The following UMODL1 variants were observed in gnomAD, a reference collection of about 807,000 sequenced individuals.
UMODL1 encodes the protein uromodulin like 1, also known as uromodulin-like 1.
A neutral mutation model predicts 136.3 loss-of-function variants in UMODL1; 128 were observed. The ratio of observed to expected loss-of-function variants is 0.94; its 90% confidence interval spans 0.81 to 1.09. The LOEUF (loss-of-function observed/expected upper bound fraction) is 1.09, where lower values mean the gene tolerates loss of function less well. Ranked by LOEUF, UMODL1 falls within the 50% of genes least tolerant of loss-of-function variation. The pLI is 0.00. For synonymous variants in UMODL1, 721 were observed against 720.0 expected (o/e 1.00, Z -0.02); for missense variants, 1,766 against 1,725.6 (o/e 1.02, Z -0.41).
chr21:42,082,918 A>G (rs1255655497), intron 2 of UMODL1, among the ~76,000 whole-genome samples: 1 of 22,452 alleles, frequency 4.5e-5, no homozygotes, highest in East Asian at 5.1e-4. Flanking sequence ...TGAGACCTCT[A>G]TAAGCCCCTT....
intron 1 of UMODL1, among the ~76,000 whole-genome samples, chr21:42,075,249 G>GGT (rs531652042): frequency 1.3e-5 from 2 of 151,808 alleles, no homozygotes; most frequent in African/African-American, 4.8e-5. Context: ...GATGGGGGGG[G>GGT]GGTTTCACCA....
At chr21:42,098,466 T>C (rs1243688157) in intron 6 of UMODL1, among the ~76,000 whole-genome samples, 1 of 126,366 alleles carries the variant, frequency 7.9e-6, no homozygotes, top group East Asian at 2.3e-4. Flanking sequence ...CATTTATTAT[T>C]GGAAAAAAAA....
intron 12 of UMODL1, 25 bp downstream of exon 12, chr21:42,111,735 G>T: frequency 6.3e-7 from 1 of 1,585,906 alleles, no homozygotes; most frequent in East Asian, 2.2e-5. Flanking sequence ...TGGTGCATGG[G>T]GACTAGGACT....
At position 42,092,029 on chromosome 21, in the gene UMODL1, C is replaced by A. The variant is rs115627489; in HGVS notation, c.931+1591C>A. Among the ~76,000 whole-genome samples the A allele has an allele frequency of 7.6e-3, 1,161 of 152,316 alleles. 10 individuals are homozygous for A. The highest frequency in any genetic ancestry group is 0.027 in the African/African-American group (1,102 of 41,558). On this transcript the variant is annotated intron_variant, in intron 6 of 22. Transcript: ENST00000408910. ...AGGTCAGCAGGGAAGGCTCAGCAAG[C>A]CCCAAGCGAGCAAGCGGTAAGCTGG...
upstream of UMODL1, among the ~76,000 whole-genome samples, chr21:42,067,207 C>T (rs892082122): frequency 2.0e-5 from 3 of 152,096 alleles, no homozygotes; most frequent in African/African-American, 2.4e-5. Context: ...CTCCTGACTT[C>T]GTGATCCACC....
In UMODL1 at chr21:42,095,089, GTT is replaced by G. The variant is rs58764222; in HGVS notation, c.932-3815_932-3814del. Among the ~76,000 whole-genome samples, 97 of 61,198 alleles carry G rather than the reference GTT, an allele frequency of 1.6e-3. 2 individuals are homozygous for G. Among genetic ancestry groups the G allele is most frequent in the East Asian group, 3.9e-3 (7 of 1,816 alleles). 40.1% of individuals were successfully genotyped at this position (61,198 alleles called of 152,430 possible). On this transcript the variant is annotated intron_variant, in intron 6 of 22. Transcript: ENST00000408910. Reference sequence around the variant, plus strand: ...CATCACTCCTTTGTTTTCTTCTGCTGTTTTTTTTTTTTTTTTTTTTTTTGAGA... The same window carrying G: ...CATCACTCCTTTGTTTTCTTCTGCTGTTTTTTTTTTTTTTTTTTTTTGAGA...
In UMODL1 at chr21:42,065,300, G is replaced by A. The variant is rs994762821; in HGVS notation, c.-141+2086G>A. 3.9e-5 allele frequency among the ~76,000 whole-genome samples: 6 copies of A among 152,156 alleles called. No individual in the cohort carries two copies. The East Asian group carries it at 9.6e-4, about 24-fold the overall frequency. ...ATAAACTCATTCATGCAGTTATTGCGTTTCAGTTCAGATTCTATTGCTCTT... is the reference window on the plus strand; with the variant it reads ...ATAAACTCATTCATGCAGTTATTGCATTTCAGTTCAGATTCTATTGCTCTT... On this transcript the variant is annotated intron_variant, in intron 1 of 22. Coordinates refer to the UMODL1 transcript ENST00000400424.
At chr21:42,098,661 G>A (rs573413034) in intron 6 of UMODL1, among the ~76,000 whole-genome samples, 1 of 152,216 alleles carries the variant, frequency 6.6e-6, no homozygotes, top group South Asian at 2.1e-4. Flanking sequence ...CCAGCTACTC[G>A]GGAGGCTGAG....
chr21:42,071,779 C>T (rs2066234578), intron 1 of UMODL1, among the ~76,000 whole-genome samples: 1 of 150,492 alleles, frequency 6.6e-6, no homozygotes, highest in African/African-American at 2.4e-5. Context: ...CCTACAGACG[C>T]AGAAGAAAGG....
At position 42,113,623 on chromosome 21, in the gene UMODL1, T is replaced by G. The variant is rs1368825350; in HGVS notation, c.2155T>G (p.Phe719Val). The G allele has an allele frequency of 6.2e-7, 1 of 1,614,004 alleles. No individual in the cohort carries two copies. Among genetic ancestry groups the G allele is most frequent in the Non-Finnish European group, 8.5e-7 (1 of 1,180,044 alleles). The stretch of plus-strand genomic sequence containing the variant: ...GGTCTCCAATGTGACCAGCACCGGC[T>G]TCCACCTGGCATGGGAGGCGGATCT... ...IMVSNVTSTG[F>V]HLAWEADLAM... The change falls in exon 13 of 23, where the codon TTC becomes GTC. Residue 719 changes from phenylalanine (F) to valine (V), a missense_variant. Coordinates refer to ENST00000408910, the MANE Select transcript of UMODL1 (RefSeq NM_001004416.3).
chr21:42,127,799 T>C lies in UMODL1; in HGVS notation c.3658T>C (p.Cys1220Arg). The change falls in exon 20 of 23, where the codon TGC (cysteine) becomes CGC (arginine). Residue 1220 changes from cysteine to arginine, a missense_variant. Transcript: ENST00000408910. Reference sequence around the variant, plus strand: ...CTACCTGCACTGCAAACTCCGCGTCTGCATGGAATCCCCCGGAGCCACGTG... The same window carrying C: ...CTACCTGCACTGCAAACTCCGCGTCCGCATGGAATCCCCCGGAGCCACGTG... ...IVYLHCKLRVCMESPGATCKI... is the reference protein window; with the variant it reads ...IVYLHCKLRVRMESPGATCKI... 1.9e-6 allele frequency: 3 copies of C among 1,613,714 alleles called. No homozygotes were observed. The highest frequency in any genetic ancestry group is 2.5e-6 in the Non-Finnish European group (3 of 1,179,918).
intron 9 of UMODL1, 126 bp from the exon 10 acceptor site, chr21:42,109,436 A>AT: frequency 7.6e-7 from 1 of 1,307,872 alleles, no homozygotes; most frequent in Non-Finnish European, 1.0e-6. Context: ...GGATGCCCCA[A>AT]AATGCCCCTG....
At chr21:42,128,385 C>T (rs574968868) in intron 20 of UMODL1, among the ~76,000 whole-genome samples, 2 of 152,208 alleles carry the variant, frequency 1.3e-5, no homozygotes, top group Admixed American at 6.5e-5. Context: ...GAGGTTCCCA[C>T]ATGTTGGTCG....
chr21:42,140,740 T>C (rs2067270497), intron 22 of UMODL1, among the ~76,000 whole-genome samples: 1 of 152,192 alleles, frequency 6.6e-6, no homozygotes, highest in Admixed American at 6.5e-5. Flanking sequence ...CCAGGACCCC[T>C]GAGCCTCCCC....
chr21:42,064,051 C>G (rs2066163747), intron 1 of UMODL1, among the ~76,000 whole-genome samples: 1 of 152,116 alleles, frequency 6.6e-6, no homozygotes, highest in South Asian at 2.1e-4. Flanking sequence ...TATATGGATG[C>G]CTTGGGGCTT....
At chr21:42,113,303 G>A (rs1467844114) in intron 12 of UMODL1, among the ~76,000 whole-genome samples, 2 of 151,802 alleles carry the variant, frequency 1.3e-5, no homozygotes. Context: ...GAGTCCAGGG[G>A]CCTCAGGGAT....
chr21:42,109,246 A>G (rs1244217489), intron 9 of UMODL1, among the ~76,000 whole-genome samples: 10 of 152,142 alleles, frequency 6.6e-5, no homozygotes. Context: ...CATCAAAGAG[A>G]GAGGAGAAAA....
intron 1 of UMODL1, among the ~76,000 whole-genome samples, chr21:42,074,934 C>T (rs772164811): frequency 3.3e-5 from 5 of 151,640 alleles, no homozygotes; most frequent in Non-Finnish European, 5.9e-5. Flanking sequence ...GGAGTCTTCA[C>T]TCTGTCACCC....
intron 5 of UMODL1, 68 bp from the exon 6 acceptor site, chr21:42,090,230 T>G (rs1161887901): frequency 4.4e-6 from 7 of 1,602,326 alleles, no homozygotes; most frequent in Non-Finnish European, 6.0e-6. Flanking sequence ...GCCGTGTGTG[T>G]GCAGGTAGAT....
Sources: gnomAD v4.1 joint callset for allele counts (sites outside exome capture counted in the v4.1 genomes callset) on GRCh38, gnomAD v4.1.1 for gene constraint, MANE v1.5 for transcripts, NCBI Gene and HGNC (gene_info 2026-07-23, HGNC 2026-07-21) for gene names.